Variants in BTRC observed in about 807,000 individuals in gnomAD.
The protein encoded by BTRC is F-box/WD repeat-containing protein 1A.
BTRC carries 42 observed loss-of-function variants against 85.5 expected under a neutral mutation model. That is an observed-to-expected ratio of 0.49 (90% CI 0.38 to 0.64). BTRC has a LOEUF of 0.64. Ranked by LOEUF, BTRC falls within the 30% of genes least tolerant of loss-of-function variation. BTRC has a pLI of 0.00. For synonymous variants in BTRC, 255 were observed against 263.3 expected, an observed-to-expected ratio of 0.97 and a Z score of 0.30; for missense variants, 594 against 743.5, an observed-to-expected ratio of 0.80 and a Z score of 2.34.
intron 2 of BTRC, among the ~76,000 whole-genome samples, chr10:101,435,621 A>G (rs529949770): frequency 4.6e-5 from 7 of 152,164 alleles, no homozygotes; most frequent in Non-Finnish European, 7.4e-5. Flanking sequence ...ATTGTTTCCA[A>G]TTTTGGCCTA....
intron 1 of BTRC, among the ~76,000 whole-genome samples, chr10:101,370,129 T>G (rs1225472998): frequency 6.6e-6 from 1 of 152,212 alleles, no homozygotes; most frequent in Non-Finnish European, 1.5e-5. Flanking sequence ...GTTTTTTTGT[T>G]TGTTTTGAGA....
At chr10:101,473,465 C>CTTTTTTTTTTTTTTTT (rs869163139) in intron 3 of BTRC, among the ~76,000 whole-genome samples, 3 of 96,772 alleles carry the variant, frequency 3.1e-5, no homozygotes, top group East Asian at 3.5e-4. Flanking sequence ...TCTTTTTTCT[C>CTTTTTTTTTTTTTTTT]TTTTTTTTTT....
chr10:101,374,991 C>A (rs1285765714), intron 1 of BTRC, among the ~76,000 whole-genome samples: 1 of 152,130 alleles, frequency 6.6e-6, no homozygotes, highest in Admixed American at 6.5e-5. Context: ...AGGCCAGGTG[C>A]TGCAGGGTGG....
At chr10:101,467,672 T>C (rs1945416127) in intron 3 of BTRC, among the ~76,000 whole-genome samples, 1 of 152,032 alleles carries the variant, frequency 6.6e-6, no homozygotes, top group Admixed American at 6.6e-5. Flanking sequence ...CTTTTTGCCC[T>C]CCTAAAGTGC....
chr10:101,431,340 G>A (rs1944400053), intron 2 of BTRC, among the ~76,000 whole-genome samples: 1 of 151,756 alleles, frequency 6.6e-6, no homozygotes, highest in African/African-American at 2.4e-5. Flanking sequence ...GCTTCCCAAA[G>A]TGCTGGAATT....
At chr10:101,514,430 C>A (rs1049900792) in intron 4 of BTRC, among the ~76,000 whole-genome samples, 3 of 151,408 alleles carry the variant, frequency 2.0e-5, no homozygotes, top group African/African-American at 7.3e-5. Flanking sequence ...CTATGGATAT[C>A]CAATTGTTGA....
chr10:101,372,083 T>G, intron 1 of BTRC, among the ~76,000 whole-genome samples: 1 of 152,112 alleles, frequency 6.6e-6, no homozygotes, highest in East Asian at 1.9e-4. Flanking sequence ...GGCCTGCTTT[T>G]GGGATTTTCT....
chr10:101,522,610 G>A (rs1024429391), intron 5 of BTRC, among the ~76,000 whole-genome samples: 5 of 150,466 alleles, frequency 3.3e-5, no homozygotes, highest in Admixed American at 1.3e-4. Context: ...TAGTAGAGGC[G>A]GGGTTTCACC....
chr10:101,367,110 G>T lies in BTRC; in HGVS notation c.48+12882G>T, dbSNP rs573831774. 3.2e-5 allele frequency among the ~76,000 whole-genome samples: 4 copies of T among 124,098 alleles called. No homozygotes were observed. The Admixed American group carries it at 4.1e-4, about 13-fold the overall frequency. 81.4% of individuals were successfully genotyped at this position (124,098 alleles called of 152,430 possible). On this transcript the variant is annotated intron_variant, in intron 1 of 14. Coordinates refer to ENST00000370187, the MANE Select transcript of BTRC (RefSeq NM_033637.4). Reference sequence around the variant, plus strand: ...TTTCGAGCTAGAGTCTCGCTCTGTCGCCCAGGCTGGAGTGCAGTGGCGCGA... The same window carrying T: ...TTTCGAGCTAGAGTCTCGCTCTGTCTCCCAGGCTGGAGTGCAGTGGCGCGA...
intron 13 of BTRC, among the ~76,000 whole-genome samples, chr10:101,540,595 T>A (rs1441512794): frequency 1.3e-5 from 2 of 152,164 alleles, no homozygotes; most frequent in African/African-American, 4.8e-5. Context: ...GGCCTTTGAT[T>A]TTTCATGTTA....
At chr10:101,552,502 G>A (rs1254100627) in intron 14 of BTRC, among the ~76,000 whole-genome samples, 3 of 151,776 alleles carry the variant, frequency 2.0e-5, no homozygotes, top group African/African-American at 7.3e-5. Context: ...CCTGTCTCTG[G>A]CTTTTCTTCC....
intron 1 of BTRC, among the ~76,000 whole-genome samples, chr10:101,363,138 C>A (rs1245958192): frequency 6.6e-6 from 1 of 152,148 alleles, no homozygotes; most frequent in Non-Finnish European, 1.5e-5. Context: ...TATATTATTT[C>A]ATTTAATCCT....
At chr10:101,390,524 G>A (rs1943210561) in intron 1 of BTRC, among the ~76,000 whole-genome samples, 1 of 151,816 alleles carries the variant, frequency 6.6e-6, no homozygotes, top group Admixed American at 6.6e-5. Flanking sequence ...AGTAGAGACG[G>A]GGTTTCACCA....
chr10:101,523,478 A>G (rs1170443287), intron 5 of BTRC, among the ~76,000 whole-genome samples: 1 of 152,178 alleles, frequency 6.6e-6, no homozygotes, highest in East Asian at 1.9e-4. Context: ...TTTAAGAGAA[A>G]AAAATCATAC....
intron 2 of BTRC, among the ~76,000 whole-genome samples, chr10:101,433,447 G>A (rs546447344): frequency 2.4e-4 from 37 of 152,216 alleles, no homozygotes; most frequent in African/African-American, 8.7e-4. Flanking sequence ...AAGAGCTGAA[G>A]GATGAATAGG....
At chr10:101,509,501 G>A (rs549081036) in intron 4 of BTRC, among the ~76,000 whole-genome samples, 103 of 148,584 alleles carry the variant, frequency 6.9e-4, no homozygotes, top group Non-Finnish European at 6.1e-4. Context: ...TGATCCGCCC[G>A]CCTCGGCCTC....
chr10:101,451,281 A>G (rs994984194), intron 2 of BTRC, among the ~76,000 whole-genome samples: 1 of 152,166 alleles, frequency 6.6e-6, no homozygotes, highest in African/African-American at 2.4e-5. Context: ...AATGGCAGCA[A>G]ATAATTTTAA....
chr10:101,463,085 G>A (rs1403541182), intron 3 of BTRC, among the ~76,000 whole-genome samples: 1 of 148,642 alleles, frequency 6.7e-6, no homozygotes, highest in Non-Finnish European at 1.5e-5. Flanking sequence ...TTGCTCTATC[G>A]CCCAGGCTGG....
chr10:101,454,491 C>G (rs1021892354), intron 2 of BTRC, among the ~76,000 whole-genome samples: 3 of 152,038 alleles, frequency 2.0e-5, no homozygotes, highest in Non-Finnish European at 4.4e-5. Flanking sequence ...AGTTAAGAAT[C>G]CTTCCAGGCC....
Sources: allele counts gnomAD v4.1 joint callset (sites outside exome capture counted in the v4.1 genomes callset), GRCh38; gene constraint gnomAD v4.1.1; transcripts MANE v1.5; gene names NCBI Gene and HGNC (gene_info 2026-07-23, HGNC 2026-07-21).